The following CNOT6 variants were observed in gnomAD, a reference collection of about 807,000 sequenced individuals.
CNOT6 encodes the protein carbon catabolite repression 4 protein.
A neutral mutation model predicts 61.2 loss-of-function variants in CNOT6; 12 were observed. The observed-to-expected ratio is 0.20, with a 90% CI of 0.13 to 0.32. CNOT6 has a LOEUF of 0.32. CNOT6 is among the 10% of genes least tolerant of loss of function. The pLI is 1.00. For missense variants in CNOT6, 405 were observed against 663.9 expected, an observed-to-expected ratio of 0.61 and a Z score of 4.28; for synonymous variants, 225 against 240.6, an observed-to-expected ratio of 0.94 and a Z score of 0.60.
intron 1 of CNOT6, among the ~76,000 whole-genome samples, chr5:180,528,581 C>T (rs1758206195): frequency 6.6e-6 from 1 of 152,132 alleles, no homozygotes; most frequent in Admixed American, 6.5e-5. Context: ...TCCCAAAGTG[C>T]TGGGATTATA....
intron 4 of CNOT6, among the ~76,000 whole-genome samples, chr5:180,559,710 T>A (rs1018913442): frequency 6.6e-6 from 1 of 152,180 alleles, no homozygotes. Flanking sequence ...TACTGAAACA[T>A]TTTTTAGATT....
At chr5:180,511,198 G>T (rs920460448) in intron 1 of CNOT6, among the ~76,000 whole-genome samples, 1 of 151,958 alleles carries the variant, frequency 6.6e-6, no homozygotes, top group African/African-American at 2.4e-5. Context: ...TTTTTGGAGG[G>T]CAGGCACAGT....
chr5:180,523,056 A>G (rs1045061326), intron 1 of CNOT6, among the ~76,000 whole-genome samples: 1 of 152,148 alleles, frequency 6.6e-6, no homozygotes, highest in Non-Finnish European at 1.5e-5. Flanking sequence ...TCAGCCCATA[A>G]TCTCAGTGGG....
rs1761057546 is a variant in CNOT6 at position 180,577,376 on chromosome 5, A to G, written c.*3176A>G. The G allele has an allele frequency of 6.6e-6, 1 of 152,594 alleles. No individual in the cohort carries two copies. Among genetic ancestry groups the G allele is most frequent in the African/African-American group, 2.4e-5 (1 of 41,438 alleles). 9.5% of individuals were successfully genotyped at this position (152,594 alleles called of 1,614,324 possible). On this transcript the variant is annotated 3_prime_UTR_variant, in exon 12 of 12. Transcript: ENST00000261951. ...AAGTTTTAGAGTTTCACTTTGTACT[A>G]TTTAAATTTATGGAACTAGTTTCCA... is the stretch of plus-strand genomic sequence containing the variant.
intron 9 of CNOT6, among the ~76,000 whole-genome samples, chr5:180,568,571 TATAA>T (rs578116457): frequency 4.0e-5 from 6 of 150,968 alleles, no homozygotes; most frequent in South Asian, 4.2e-4. Context: ...AATAAATAAA[TATAA>T]ATAAATAAAT....
chr5:180,498,084 C>T (rs1756697030), intron 1 of CNOT6, among the ~76,000 whole-genome samples: 1 of 151,434 alleles, frequency 6.6e-6, no homozygotes, highest in African/African-American at 2.4e-5. Context: ...TAAACATATA[C>T]TGTATGCATA....
At chr5:180,559,081 G>T (rs953615335) in intron 4 of CNOT6, among the ~76,000 whole-genome samples, 16 of 152,360 alleles carry the variant, frequency 1.1e-4, no homozygotes, top group Middle Eastern at 3.4e-3. Context: ...TACTGGAAAA[G>T]AATGTGTTTT....
At chr5:180,506,847 A>G (rs1053745353) in intron 1 of CNOT6, among the ~76,000 whole-genome samples, 1 of 152,314 alleles carries the variant, frequency 6.6e-6, no homozygotes, top group East Asian at 1.9e-4. Context: ...TTAAATTCAT[A>G]TAAGCATTAC....
chr5:180,566,264 A>G (rs931601044), intron 7 of CNOT6, among the ~76,000 whole-genome samples: 3 of 152,204 alleles, frequency 2.0e-5, no homozygotes, highest in African/African-American at 7.2e-5. Context: ...TGGCAAAGTT[A>G]CTGAAATTCT....
At chr5:180,524,455 T>C (rs1052396739) in intron 1 of CNOT6, among the ~76,000 whole-genome samples, 1 of 152,154 alleles carries the variant, frequency 6.6e-6, no homozygotes, top group Non-Finnish European at 1.5e-5. Flanking sequence ...CTTTTTTTTT[T>C]ACTTCCTAAT....
At chr5:180,511,300 A>G (rs1757380497) in intron 1 of CNOT6, among the ~76,000 whole-genome samples, 1 of 151,920 alleles carries the variant, frequency 6.6e-6, no homozygotes, top group African/African-American at 2.4e-5. Context: ...CAACATGGTG[A>G]AACCTTGTCT....
At chr5:180,555,936 C>T (rs183924607) in intron 4 of CNOT6, among the ~76,000 whole-genome samples, 3 of 152,268 alleles carry the variant, frequency 2.0e-5, no homozygotes, top group Non-Finnish European at 4.4e-5. Context: ...AATTGTGCCG[C>T]AGTACTACAG....
In CNOT6 at chr5:180,574,659, A is replaced by G. The variant is rs1038436292; in HGVS notation, c.*459A>G. 8.9e-5 allele frequency: 15 copies of G among 167,748 alleles called. No individual in the cohort carries two copies. The East Asian group carries it at 2.6e-3, about 29-fold the overall frequency. The allele number at this position is 167,748 out of a possible 1,614,324, so 10.4% of individuals were successfully genotyped here. On this transcript the variant is annotated 3_prime_UTR_variant, in exon 12 of 12. Coordinates refer to ENST00000261951, the MANE Select transcript of CNOT6 (RefSeq NM_001370472.1). ...CTGAATTTAGCCTTTATGATTGTAT[A>G]TGATCCACAGAAGACCTGATTTATG...
chr5:180,508,333 A>T (rs927182052), intron 1 of CNOT6, among the ~76,000 whole-genome samples: 1 of 152,160 alleles, frequency 6.6e-6, no homozygotes, highest in African/African-American at 2.4e-5. Context: ...TTAGTATGAG[A>T]CGGAGTCTCG....
intron 4 of CNOT6, among the ~76,000 whole-genome samples, chr5:180,554,994 A>G (rs1581551218): frequency 6.7e-6 from 1 of 149,936 alleles, no homozygotes; most frequent in Admixed American, 6.7e-5. Flanking sequence ...AGTTAGGGTC[A>G]CCAGTCACAA....
chr5:180,552,835 G>A (rs932277780), intron 3 of CNOT6, among the ~76,000 whole-genome samples: 3 of 139,318 alleles, frequency 2.2e-5, no homozygotes, highest in Non-Finnish European at 3.3e-5. Context: ...TAATACAGCT[G>A]CTGTTATTTT....
At chr5:180,527,153 C>G (rs2127718810) in intron 1 of CNOT6, among the ~76,000 whole-genome samples, 1 of 152,288 alleles carries the variant, frequency 6.6e-6, no homozygotes, top group African/African-American at 2.4e-5. Flanking sequence ...GCCACTGTGC[C>G]TGAATCACAA....
At chr5:180,543,741 T>G (rs184071742) in intron 2 of CNOT6, among the ~76,000 whole-genome samples, 19 of 152,342 alleles carry the variant, frequency 1.2e-4, no homozygotes, top group Non-Finnish European at 2.2e-4. Context: ...TTGTCAATAT[T>G]GGATATTAGT....
At chr5:180,516,291 C>G (rs189571930) in intron 1 of CNOT6, among the ~76,000 whole-genome samples, 9 of 151,826 alleles carry the variant, frequency 5.9e-5, no homozygotes, top group African/African-American at 2.2e-4. Context: ...ATCGATTCTC[C>G]TGCCTCAGCC....
Sources: allele counts gnomAD v4.1 joint callset (sites outside exome capture counted in the v4.1 genomes callset), GRCh38; gene constraint gnomAD v4.1.1; transcripts MANE v1.5; gene names NCBI Gene and HGNC (gene_info 2026-07-23, HGNC 2026-07-21).